The following SERTAD1 variants were observed in gnomAD, a reference collection of about 807,000 sequenced individuals.
The protein encoded by SERTAD1 is SERTA domain-containing protein 1.
Under a neutral mutation model 11.7 loss-of-function variants are expected in SERTAD1, and 5 were observed. That is an observed-to-expected ratio of 0.43 (90% CI 0.22 to 0.90). The LOEUF is 0.90. Ranked by LOEUF, SERTAD1 falls within the 40% of genes least tolerant of loss-of-function variation. SERTAD1 has a pLI of 0.27. For synonymous variants in SERTAD1, 139 were observed against 141.4 expected, an observed-to-expected ratio of 0.98 and a Z score of 0.12; for missense variants, 287 against 313.9, an observed-to-expected ratio of 0.91 and a Z score of 0.65.
intron 1 of SERTAD1, among the ~76,000 whole-genome samples, chr19:40,425,055 G>A (rs938096348): frequency 1.7e-4 from 26 of 152,170 alleles, no homozygotes; most frequent in African/African-American, 6.0e-4. Flanking sequence ...GTTTGGGACG[G>A]ACGATGGTGA....
chr19:40,425,693 T>G (rs1479967609), intron 1 of SERTAD1, among the ~76,000 whole-genome samples, 174 bp downstream of exon 1: 1 of 151,936 alleles, frequency 6.6e-6, no homozygotes, highest in African/African-American at 2.4e-5. Context: ...CTCCGCCCCC[T>G]TCTCGGACTG....
chr19:40,421,964 C>A lies in SERTAD1; in HGVS notation c.*872G>T, dbSNP rs1035278461. The A allele has an allele frequency of 6.6e-6, 1 of 151,668 alleles. No individual in the cohort carries two copies. The highest frequency in any genetic ancestry group is 2.4e-5 in the African/African-American group (1 of 41,276). The allele number at this position is 151,668 out of a possible 1,614,324, so 9.4% of individuals were successfully genotyped here. A position where few individuals can be genotyped will look rare whatever the true frequency, so the allele number is the denominator to read the frequency against. The stretch of plus-strand genomic sequence containing the variant: ...AAGATGAAGACCATCCTGGCTAACA[C>A]GGTGAAACCCTGTCTCTACAAAAAA... On this transcript the variant is annotated 3_prime_UTR_variant, in exon 2 of 2. Coordinates refer to ENST00000357949, the MANE Select transcript of SERTAD1 (RefSeq NM_013376.4).
At position 40,421,711 on chromosome 19, in the gene SERTAD1, G is replaced by A. The variant is rs959285006; in HGVS notation, c.*1125C>T. 6.6e-6 allele frequency: 1 copy of A among 152,130 alleles called. No individual in the cohort carries two copies. The highest frequency in any genetic ancestry group is 1.5e-5 in the Non-Finnish European group (1 of 68,032). The allele number at this position is 152,130 out of a possible 1,614,324, so 9.4% of individuals were successfully genotyped here. On this transcript the variant is annotated 3_prime_UTR_variant, in exon 2 of 2. Transcript: ENST00000357949. ...AGGATCTGTCCAGGGTCCAGGTTTT[G>A]TGTTTTTATTTCGGGACCATTCTGA...
At chr19:40,425,340 T>G (rs949953973) in intron 1 of SERTAD1, among the ~76,000 whole-genome samples, 8 of 152,088 alleles carry the variant, frequency 5.3e-5, no homozygotes, top group African/African-American at 1.9e-4. Flanking sequence ...ACCACACTAC[T>G]CAAAACAGGG....
chr19:40,423,948 A>G (rs1391472372), intron 1 of SERTAD1, among the ~76,000 whole-genome samples: 2 of 151,910 alleles, frequency 1.3e-5, no homozygotes, highest in African/African-American at 4.8e-5. Flanking sequence ...GCTGGTCTCG[A>G]CCTCCTGGAC....
chr19:40,425,520 G>C (rs1038107042), intron 1 of SERTAD1, among the ~76,000 whole-genome samples: 2 of 152,176 alleles, frequency 1.3e-5, no homozygotes, highest in Non-Finnish European at 2.9e-5. Context: ...CCGATTCCCG[G>C]CTGTGATTCC....
rs1447673520 is a variant in SERTAD1, at chr19:40,423,022, C to T, written c.525G>A (p.Glu175=). Residue 175 remains glutamate (E), a synonymous_variant, in exon 2 of 2, where the codon GAG becomes GAA. Transcript: ENST00000357949. ...LLDDGLEGLF[E]DIDTSMYDNE... Reference sequence around the variant, plus strand: ...TGTCATACATAGAGGTGTCAATATCCTCAAACAGGCCCTCAAGCCCATCGT... The same window carrying T: ...TGTCATACATAGAGGTGTCAATATCTTCAAACAGGCCCTCAAGCCCATCGT... 1 of 1,575,580 alleles carries T rather than the reference C, an allele frequency of 6.3e-7. No individual in the cohort carries two copies. Among genetic ancestry groups the T allele is most frequent in the East Asian group, 2.3e-5 (1 of 42,900 alleles).
At chr19:40,425,458 G>C (rs2079613139) in intron 1 of SERTAD1, among the ~76,000 whole-genome samples, 1 of 152,122 alleles carries the variant, frequency 6.6e-6, no homozygotes, top group Non-Finnish European at 1.5e-5. Context: ...GCCCAGGCCG[G>C]CTTTCCCCCG....
chr19:40,424,484 C>T (rs1413322257), intron 1 of SERTAD1, among the ~76,000 whole-genome samples: 2 of 152,006 alleles, frequency 1.3e-5, no homozygotes, highest in African/African-American at 2.4e-5. Flanking sequence ...ACTAGTTTCA[C>T]GTAGTTTAAT....
At position 40,422,639 on chromosome 19, in the gene SERTAD1, G is replaced by A. The variant is rs1325496360; in HGVS notation, c.*197C>T. The A allele has an allele frequency of 1.4e-5, 8 of 591,632 alleles. No individual in the cohort carries two copies. The highest frequency in any genetic ancestry group is 4.5e-4 in the Middle Eastern group (1 of 2,242). The allele number at this position is 591,632 out of a possible 1,614,324, so 36.6% of individuals were successfully genotyped here. On this transcript the variant is annotated 3_prime_UTR_variant, in exon 2 of 2. Transcript: ENST00000357949. The stretch of plus-strand genomic sequence containing the variant: ...CCAGACCCTGTCATTCCATCACTAG[G>A]GGGTAATTCCAGGCTCCCCCTGCCA...
At chr19:40,423,837 G>A (rs926961181) in intron 1 of SERTAD1, among the ~76,000 whole-genome samples, 9 of 151,720 alleles carry the variant, frequency 5.9e-5, no homozygotes, top group South Asian at 4.2e-4. Context: ...AATGATTCTC[G>A]TGCCTCAGCC....
In SERTAD1 at chr19:40,423,382, G is replaced by A; in HGVS notation, c.165C>T (p.His55=). Residue 55 remains histidine (H), a synonymous_variant, in exon 2 of 2, where the codon CAC becomes CAT. Coordinates refer to ENST00000357949, the MANE Select transcript of SERTAD1 (RefSeq NM_013376.4). ...LFDLSVLKLH[H]SLQQSEPDLR... The stretch of plus-strand genomic sequence containing the variant: ...GGTCCGGCTCACTCTGCTGCAGGCT[G>A]TGGTGGAGCTTGAGCACTGAGAGGT... The A allele has an allele frequency of 1.2e-6, 2 of 1,613,458 alleles. No homozygotes were observed. Among genetic ancestry groups the A allele is most frequent in the African/African-American group, 2.7e-5 (2 of 75,076 alleles).
Position 40,422,598 on chromosome 19 carries a change from G to C in SERTAD1, c.*238C>G. 1 of 499,780 alleles carries C rather than the reference G, an allele frequency of 2.0e-6. No homozygotes were observed. The highest frequency in any genetic ancestry group is 3.5e-6 in the Non-Finnish European group (1 of 284,844). The allele number at this position is 499,780 out of a possible 1,614,324, so 31.0% of individuals were successfully genotyped here. On this transcript the variant is annotated 3_prime_UTR_variant, in exon 2 of 2. Transcript: ENST00000357949. ...AGCCCAAGCTATGACCCCAGGGCCA[G>C]GGAATTCAGTCCCCACCAGACCCTG...
At chr19:40,425,745 G>T (rs1282654738) in intron 1 of SERTAD1, 122 bp downstream of exon 1, 1 of 152,204 alleles carries the variant, frequency 6.6e-6, no homozygotes, top group Non-Finnish European at 1.5e-5. Flanking sequence ...ACAGCACGTA[G>T]AGGTCCGTGC....
chr19:40,423,530 A>G lies in SERTAD1; in HGVS notation c.17T>C (p.Leu6Pro), dbSNP rs1443318676. 1.2e-6 allele frequency: 2 copies of G among 1,600,714 alleles called. No homozygotes were observed. Among genetic ancestry groups the G allele is most frequent in the Non-Finnish European group, 1.7e-6 (2 of 1,172,976 alleles). Residue 6 changes from leucine (L) to proline (P), a missense_variant, in exon 2 of 2, where the codon CTG (leucine) becomes CCG (proline). By Grantham distance (98) the Leu-to-Pro change is moderately conservative. Coordinates refer to ENST00000357949, the MANE Select transcript of SERTAD1 (RefSeq NM_013376.4). ...CTCCTCCTCCTCCCGTTTCCGCTTC[A>G]GACCCTTGCTCAGCATCTGCAGAGG... MLSKG[L>P]KRKREEEEEK...
Position 40,424,449 on chromosome 19 carries a change from TAA to T in SERTAD1, c.1-905_1-904del, listed in dbSNP as rs201959063. On this transcript the variant is annotated intron_variant, in intron 1 of 1. Transcript: ENST00000357949. ...TTATAATAACATAATTATATCTAAA[TAA>T]GTTATAATATTATAAATACTAAACT... is the stretch of plus-strand genomic sequence containing the variant. Among the ~76,000 whole-genome samples, 662 of 152,088 alleles carry T rather than the reference TAA, an allele frequency of 4.4e-3. 7 individuals carry two copies. Among genetic ancestry groups the T allele is most frequent in the African/African-American group, 0.015 (626 of 41,550 alleles).
intron 1 of SERTAD1, among the ~76,000 whole-genome samples, chr19:40,425,022 A>T (rs2145758172): frequency 6.6e-6 from 1 of 152,270 alleles, no homozygotes; most frequent in Non-Finnish European, 1.5e-5. Context: ...GGGGGATCTG[A>T]GACCCACTGG....
intron 1 of SERTAD1, among the ~76,000 whole-genome samples, chr19:40,424,973 C>T (rs1019348887): frequency 6.6e-6 from 1 of 152,148 alleles, no homozygotes; most frequent in Non-Finnish European, 1.5e-5. Flanking sequence ...AGATCCCCCC[C>T]ATGGCTGCTT....
Position 40,422,689 on chromosome 19 carries a change from G to A in SERTAD1, c.*147C>T, listed in dbSNP as rs2079602232. The A allele has an allele frequency of 1.2e-6, 1 of 830,776 alleles. No homozygotes were observed. The highest frequency in any genetic ancestry group is 2.8e-5 in the East Asian group (1 of 36,128). 51.5% of individuals were successfully genotyped at this position (830,776 alleles called of 1,614,324 possible). ...AGCCCTGAGACAGGAGGACGGATGT[G>A]AAGTTGCCCAGGACTAGATTCTGTC... On this transcript the variant is annotated 3_prime_UTR_variant, in exon 2 of 2. Coordinates refer to ENST00000357949, the MANE Select transcript of SERTAD1 (RefSeq NM_013376.4).
Sources: allele counts gnomAD v4.1 joint callset (sites outside exome capture counted in the v4.1 genomes callset), GRCh38; gene constraint gnomAD v4.1.1; transcripts MANE v1.5; gene names NCBI Gene and HGNC (gene_info 2026-07-23, HGNC 2026-07-21).